The following SLCO1B3 variants were observed in gnomAD, a reference collection of about 807,000 sequenced individuals.
SLCO1B3 encodes the protein liver-specific organic anion transporter 2.
A neutral mutation model predicts 71.8 loss-of-function variants in SLCO1B3; 72 were observed. The observed-to-expected ratio is 1.00, with a 90% CI of 0.83 to 1.22. The LOEUF is 1.22. SLCO1B3 is among the 50% of genes most tolerant of loss of function. The probability of loss-of-function intolerance (pLI) is 0.00; values close to 1 mark genes in which losing one functional copy is unlikely to be tolerated. For synonymous variants in SLCO1B3, 298 were observed against 278.4 expected, an observed-to-expected ratio of 1.07 and a Z score of -0.70; for missense variants, 911 against 819.7, an observed-to-expected ratio of 1.11 and a Z score of -1.36.
intron 3 of SLCO1B3, among the ~76,000 whole-genome samples, chr12:20,845,895 C>T (rs1864908700): frequency 6.6e-6 from 1 of 151,476 alleles, no homozygotes; most frequent in Non-Finnish European, 1.5e-5. Context: ...AATCTGGGAG[C>T]TCCATTGTTA....
intron 3 of SLCO1B3, among the ~76,000 whole-genome samples, chr12:20,829,892 G>A (rs898510805): frequency 1.3e-5 from 2 of 152,146 alleles, no homozygotes; most frequent in Admixed American, 6.5e-5. Context: ...TGGTGGGAGT[G>A]TAGCAGTGAG....
chr12:20,876,722 C>G (rs1378204709), intron 9 of SLCO1B3, among the ~76,000 whole-genome samples: 1 of 152,122 alleles, frequency 6.6e-6, no homozygotes, highest in Admixed American at 6.5e-5. Flanking sequence ...CATTTACCAG[C>G]ACATCATTGA....
chr12:20,841,394 T>C (rs1019608190), intron 3 of SLCO1B3, among the ~76,000 whole-genome samples: 6 of 152,166 alleles, frequency 3.9e-5, no homozygotes, highest in Admixed American at 3.9e-4. Flanking sequence ...CCTAAACTTG[T>C]ACTTAAAATT....
intron 3 of SLCO1B3, among the ~76,000 whole-genome samples, 171 bp downstream of exon 3, chr12:20,815,993 T>C (rs1010812650): frequency 5.9e-5 from 9 of 152,234 alleles, no homozygotes; most frequent in Admixed American, 3.9e-4. Flanking sequence ...AATCAGTTTT[T>C]AATCTGATTG....
rs1466769161 is a variant in SLCO1B3 at position 20,879,596 on chromosome 12, CA to C, written c.1299del (p.Lys433AsnfsTer6). ...LLYFPLICES[K>X]SVAGLTLTYD... ...TATATTTCCCTCTAATCTGCGAAAG[CA>C]AATCAGTTGCCGGCCTAACCTTGAC... On this transcript the variant is annotated frameshift_variant, in exon 11 of 16. Coordinates refer to ENST00000381545, the MANE Select transcript of SLCO1B3 (RefSeq NM_019844.4). LOFTEE classifies it high-confidence loss of function. 6.2e-7 allele frequency: 1 copy of C among 1,612,144 alleles called. No homozygotes were observed. The highest frequency in any genetic ancestry group is 1.3e-5 in the African/African-American group (1 of 74,890).
chr12:20,838,377 T>C (rs1438752203), intron 3 of SLCO1B3, among the ~76,000 whole-genome samples: 1 of 152,084 alleles, frequency 6.6e-6, no homozygotes, highest in Admixed American at 6.6e-5. Context: ...ACACAACATG[T>C]AGTTGGCCTT....
intron 8 of SLCO1B3, among the ~76,000 whole-genome samples, chr12:20,874,593 A>G (rs1047872607): frequency 6.6e-6 from 1 of 152,204 alleles, no homozygotes; most frequent in Non-Finnish European, 1.5e-5. Flanking sequence ...GCATTTACAC[A>G]TTACTCTTAT....
At chr12:20,831,616 G>A (rs1021275500) in intron 3 of SLCO1B3, among the ~76,000 whole-genome samples, 1 of 152,188 alleles carries the variant, frequency 6.6e-6, no homozygotes. Context: ...AATGTAATGC[G>A]ATAAAATTTT....
intron 8 of SLCO1B3, among the ~76,000 whole-genome samples, chr12:20,866,616 C>A (rs1865377556): frequency 6.6e-6 from 1 of 152,030 alleles, no homozygotes; most frequent in Non-Finnish European, 1.5e-5. Flanking sequence ...ACAGGAGAAG[C>A]AGCTCCTGCC....
intron 15 of SLCO1B3, among the ~76,000 whole-genome samples, chr12:20,915,225 A>C (rs1270838083): frequency 6.6e-6 from 1 of 151,926 alleles, no homozygotes; most frequent in Non-Finnish European, 1.5e-5. Flanking sequence ...ATTGATATAA[A>C]CTTAGAGATT....
chr12:20,913,553 C>T (rs1866428885), intron 15 of SLCO1B3, among the ~76,000 whole-genome samples: 1 of 151,948 alleles, frequency 6.6e-6, no homozygotes, highest in Non-Finnish European at 1.5e-5. Flanking sequence ...ACTTTTTTAT[C>T]CTTCATAAAT....
At chr12:20,816,350 C>T (rs1018459773) in intron 3 of SLCO1B3, among the ~76,000 whole-genome samples, 9 of 152,118 alleles carry the variant, frequency 5.9e-5, no homozygotes, top group Non-Finnish European at 1.3e-4. Flanking sequence ...TACCCCCACA[C>T]CCCCATGACC....
At position 20,834,071 on chromosome 12, in the gene SLCO1B3, AATATAT is replaced by A. The variant is rs963389168; in HGVS notation, c.84+18253_84+18258del. ...ATATGTGTGCATATATAAAAATATA[AATATAT>A]ATAAATATATACACATATATAATAT... On this transcript the variant is annotated intron_variant, in intron 3 of 15. Coordinates refer to ENST00000381545, the MANE Select transcript of SLCO1B3 (RefSeq NM_019844.4). Among the ~76,000 whole-genome samples, 14 of 122,962 alleles carry A rather than the reference AATATAT, an allele frequency of 1.1e-4. No individual in the cohort carries two copies. The East Asian group carries it at 3.8e-3, about 33-fold the overall frequency. 80.7% of individuals were successfully genotyped at this position (122,962 alleles called of 152,430 possible). A position where few individuals can be genotyped will look rare whatever the true frequency, so the allele number is the denominator to read the frequency against.
intron 15 of SLCO1B3, among the ~76,000 whole-genome samples, chr12:20,905,205 A>G (rs1277339067): frequency 6.6e-6 from 1 of 152,156 alleles, no homozygotes; most frequent in African/African-American, 2.4e-5. Flanking sequence ...TGCACAGGGC[A>G]GCAGGGCCCT....
At chr12:20,868,668 TAAAA>T (rs1865418362) in intron 8 of SLCO1B3, among the ~76,000 whole-genome samples, 2 of 151,424 alleles carry the variant, frequency 1.3e-5, no homozygotes, top group Admixed American at 6.6e-5. Flanking sequence ...GACAAAGAGA[TAAAA>T]GAAAAGACCC....
intron 3 of SLCO1B3, among the ~76,000 whole-genome samples, chr12:20,846,365 TTTAG>T (rs756548641): frequency 2.4e-4 from 37 of 152,332 alleles, no homozygotes; most frequent in Admixed American, 6.5e-4. Flanking sequence ...AGTGTTATTC[TTTAG>T]TTAGTTAGTT....
rs1195345877 is a variant in SLCO1B3, at chr12:20,865,937, T to C, written c.727+3083T>C. Among the ~76,000 whole-genome samples, 7 of 152,112 alleles carry C rather than the reference T, an allele frequency of 4.6e-5. No homozygotes were observed. In the South Asian group the frequency reaches 6.2e-4, roughly 13 times the overall value. The stretch of plus-strand genomic sequence containing the variant: ...ATTCTGTAATCATCTCCTGTTGTTA[T>C]TGCAGTAAGCTCAAGTGTTGAGAGT... On this transcript the variant is annotated intron_variant, in intron 8 of 15. Transcript: ENST00000381545.
At chr12:20,820,416 T>C (rs946561703) in intron 3 of SLCO1B3, among the ~76,000 whole-genome samples, 2 of 152,102 alleles carry the variant, frequency 1.3e-5, no homozygotes, top group Non-Finnish European at 2.9e-5. Flanking sequence ...GGAGGAATCC[T>C]GGGCTGCGGG....
chr12:20,817,438 G>C (rs1222799144), intron 3 of SLCO1B3, among the ~76,000 whole-genome samples: 1 of 152,130 alleles, frequency 6.6e-6, no homozygotes, highest in African/African-American at 2.4e-5. Context: ...TGAAGTGACT[G>C]TCTTTTCCCC....
Sources: allele counts gnomAD v4.1 joint callset (sites outside exome capture counted in the v4.1 genomes callset), GRCh38; gene constraint gnomAD v4.1.1; transcripts MANE v1.5; gene names NCBI Gene and HGNC (gene_info 2026-07-23, HGNC 2026-07-21).